Variants in METTL2A observed in about 807,000 individuals in gnomAD.
METTL2A encodes the protein tRNA N(3)-cytidine methyltransferase METTL2A.
A neutral mutation model predicts 49.4 loss-of-function variants in METTL2A; 45 were observed. That is an observed-to-expected ratio of 0.91 (90% CI 0.72 to 1.17). METTL2A has a LOEUF of 1.17. Among genes scored for constraint, METTL2A ranks in the 50% most tolerant of loss-of-function variants. The probability of loss-of-function intolerance (pLI) is 0.00; values close to 1 mark genes in which losing one functional copy is unlikely to be tolerated. For missense variants in METTL2A, 361 were observed against 462.2 expected, an observed-to-expected ratio of 0.78 and a Z score of 2.01; for synonymous variants, 118 against 167.5, an observed-to-expected ratio of 0.70 and a Z score of 2.28.
intron 5 of METTL2A, among the ~76,000 whole-genome samples, chr17:62,436,109 G>T (rs1462870365): frequency 1.3e-5 from 2 of 152,002 alleles, no homozygotes; most frequent in Non-Finnish European, 2.9e-5. Context: ...TACAAAAAAT[G>T]GCGCATACCT....
rs1449421256 is a variant in METTL2A, at chr17:62,448,690, G to A, written c.1098G>A (p.Gln366=). 7 of 1,614,176 alleles carry A rather than the reference G, an allele frequency of 4.3e-6. No homozygotes were observed. Among genetic ancestry groups the A allele is most frequent in the Non-Finnish European group, 5.9e-6 (7 of 1,180,038 alleles). Residue 366 remains glutamine, a synonymous_variant, in exon 9 of 9, where the codon CAG becomes CAA. Transcript: ENST00000311506. ...TGACAATGTACCGGGTTTGGATTCAGTGCAAATACTGCAAGCCCCTTCTGT... is the reference window on the plus strand; with the variant it reads ...TGACAATGTACCGGGTTTGGATTCAATGCAAATACTGCAAGCCCCTTCTGT... ...KQLTMYRVWI[Q]CKYCKPLLSS...
rs1168473567 is a variant in METTL2A, at chr17:62,440,698, A to G, written c.751A>G (p.Lys251Glu). 6.2e-7 allele frequency: 1 copy of G among 1,614,118 alleles called. No individual in the cohort carries two copies. The highest frequency in any genetic ancestry group is 1.1e-5 in the South Asian group (1 of 91,076). The change falls in exon 6 of 9, where the codon AAG (lysine) becomes GAG (glutamate). Residue 251 changes from lysine (K) to glutamate (E), a missense_variant. By Grantham distance (56) the Lys-to-Glu change is moderately conservative (BLOSUM62 1). This residue lies in a region of METTL2A where 183 missense variants were observed against 216.5 expected (regional missense o/e 0.85). Coordinates refer to ENST00000311506, the MANE Select transcript of METTL2A (RefSeq NM_181725.4). ...CDEEKSYPVP[K>E]GSLDIIILIF... ...TGAAGAGAAGAGTTACCCAGTGCCC[A>G]AGGGCAGTCTTGATATTATCATTCT...
chr17:62,426,792 A>T, intron 3 of METTL2A, 138 bp downstream of exon 3: 1 of 624,536 alleles, frequency 1.6e-6, no homozygotes, highest in Non-Finnish European at 2.8e-6. Context: ...TTAGCCTGGA[A>T]TCACCTCCAT....
At chr17:62,431,824 G>A (rs1286233973) in intron 4 of METTL2A, among the ~76,000 whole-genome samples, 5 of 151,934 alleles carry the variant, frequency 3.3e-5, no homozygotes. Context: ...AGTTTCAAGC[G>A]ATTCTCCTGC....
chr17:62,445,013 A>T, intron 7 of METTL2A, 70 bp downstream of exon 7: 1 of 1,548,350 alleles, frequency 6.5e-7, no homozygotes, highest in Non-Finnish European at 8.8e-7. Context: ...TGAAGCTGGA[A>T]ATCATCATTC....
Position 62,440,653 on chromosome 17 carries a change from T to A in METTL2A, c.706T>A (p.Phe236Ile), listed in dbSNP as rs199819347. ...SEYDPSRCFA[F>I]VHDLCDEEKS... ...ATATGATCCTTCTCGGTGTTTTGCC[T>A]TTGTTCACGACCTGTGTGATGAAGA... The change falls in exon 6 of 9, where the codon TTT becomes ATT. Residue 236 changes from phenylalanine to isoleucine, a missense_variant. This residue lies in a region of METTL2A where 183 missense variants were observed against 216.5 expected (regional missense o/e 0.85). Coordinates refer to ENST00000311506, the MANE Select transcript of METTL2A (RefSeq NM_181725.4). The A allele has an allele frequency of 1.5e-5, 24 of 1,613,614 alleles. No individual in the cohort carries two copies. Among genetic ancestry groups the A allele is most frequent in the Non-Finnish European group, 1.9e-5 (22 of 1,179,936 alleles).
At chr17:62,432,029 G>A (rs1468749063) in intron 4 of METTL2A, among the ~76,000 whole-genome samples, 1 of 151,540 alleles carries the variant, frequency 6.6e-6, no homozygotes, top group Non-Finnish European at 1.5e-5. Context: ...GTAATACAGT[G>A]GTTTTAAGTT....
chr17:62,425,975 T>G (rs1460592475), intron 2 of METTL2A, among the ~76,000 whole-genome samples: 1 of 147,384 alleles, frequency 6.8e-6, no homozygotes, highest in African/African-American at 2.5e-5. Context: ...CACTCCAGCC[T>G]GGGTGACAGA....
intron 5 of METTL2A, among the ~76,000 whole-genome samples, chr17:62,436,415 G>A (rs2070700502): frequency 6.6e-6 from 1 of 152,040 alleles, no homozygotes; most frequent in African/African-American, 2.4e-5. Flanking sequence ...ATCCAGGCAT[G>A]GTGGTGGGCA....
At chr17:62,426,277 A>T (rs747471087) in intron 2 of METTL2A, 22 bp from the exon 3 acceptor site, 100 of 1,537,976 alleles carry the variant, frequency 6.5e-5, no homozygotes, top group South Asian at 3.3e-4. Flanking sequence ...GGTTCTTAAA[A>T]TTTTTTCTTA....
intron 5 of METTL2A, among the ~76,000 whole-genome samples, chr17:62,439,587 C>T (rs961918573): frequency 2.0e-5 from 3 of 151,968 alleles, no homozygotes; most frequent in African/African-American, 7.3e-5. Context: ...GCACCTGCCA[C>T]CACGCCCGGC....
In METTL2A at chr17:62,449,194, A is replaced by G. The variant is rs1285284757; in HGVS notation, c.*465A>G. On this transcript the variant is annotated 3_prime_UTR_variant, in exon 9 of 9. Transcript: ENST00000311506. The stretch of plus-strand genomic sequence containing the variant: ...CATGTGAAAAAGTGTTACATATGAC[A>G]AGTGTTTTTTGACTGTAATTGCGTT... The G allele has an allele frequency of 2.2e-5, 6 of 267,206 alleles. No homozygotes were observed. Among genetic ancestry groups the G allele is most frequent in the Non-Finnish European group, 3.7e-5 (5 of 136,000 alleles). 16.6% of individuals were successfully genotyped at this position (267,206 alleles called of 1,614,324 possible). A position where few individuals can be genotyped will look rare whatever the true frequency, so the allele number is the denominator to read the frequency against.
intron 5 of METTL2A, among the ~76,000 whole-genome samples, chr17:62,439,092 C>T (rs866349474): frequency 2.7e-4 from 40 of 150,742 alleles, no homozygotes; most frequent in Middle Eastern, 3.5e-3. Flanking sequence ...GATTCTCCTG[C>T]CTCAGCCTCC....
chr17:62,440,503 A>G (rs1409754412), intron 5 of METTL2A, 114 bp from the exon 6 acceptor site: 6 of 1,413,946 alleles, frequency 4.2e-6, no homozygotes, highest in Non-Finnish European at 5.7e-6. Context: ...AAAAAGAAAT[A>G]TATCCCTCTT....
chr17:62,447,328 G>A (rs1279577551), intron 7 of METTL2A, among the ~76,000 whole-genome samples: 10 of 152,156 alleles, frequency 6.6e-5, no homozygotes, highest in Non-Finnish European at 1.2e-4. Flanking sequence ...GCTGAGGCAG[G>A]AGAATCACTT....
At chr17:62,444,500 A>C (rs1385651039) in intron 6 of METTL2A, among the ~76,000 whole-genome samples, 1 of 152,104 alleles carries the variant, frequency 6.6e-6, no homozygotes, top group Non-Finnish European at 1.5e-5. Flanking sequence ...GGCTGGTCTC[A>C]AACTCCTGAC....
chr17:62,440,035 C>CT (rs2070728332), intron 5 of METTL2A, among the ~76,000 whole-genome samples: 1 of 102,964 alleles, frequency 9.7e-6, no homozygotes, highest in South Asian at 3.4e-4. Context: ...TTTTTTTTTT[C>CT]TTTTTTTTAG....
chr17:62,442,883 A>T (rs2070746380), intron 6 of METTL2A, among the ~76,000 whole-genome samples: 1 of 152,138 alleles, frequency 6.6e-6, no homozygotes, highest in Non-Finnish European at 1.5e-5. Flanking sequence ...AGTGATTGAG[A>T]TCCTGGTTTA....
At chr17:62,432,866 G>C (rs1425202781) in intron 4 of METTL2A, among the ~76,000 whole-genome samples, 1 of 134,990 alleles carries the variant, frequency 7.4e-6, no homozygotes. Context: ...TGGAGGCTGA[G>C]GCCAGAGGAT....
Sources: gnomAD v4.1 joint callset for allele counts (sites outside exome capture counted in the v4.1 genomes callset) on GRCh38, gnomAD v4.1.1 for gene constraint, gnomAD v4.1.1 regional missense constraint, MANE v1.5 for transcripts, NCBI Gene and HGNC (gene_info 2026-07-23, HGNC 2026-07-21) for gene names.